Variants in RORA observed in about 807,000 individuals in gnomAD.
The protein encoded by RORA is nuclear receptor ROR-alpha.
In RORA, 7 loss-of-function variants were observed where a neutral mutation model predicts 69.5. The ratio of observed to expected loss-of-function variants is 0.10; its 90% confidence interval spans 0.06 to 0.19. The LOEUF (loss-of-function observed/expected upper bound fraction) is 0.19. Ranked by LOEUF, RORA falls within the 10% of genes least tolerant of loss-of-function variation. The probability of loss-of-function intolerance (pLI) is 1.00; values close to 1 mark genes in which losing one functional copy is unlikely to be tolerated. For missense variants in RORA, 457 were observed against 663.0 expected, an observed-to-expected ratio of 0.69 and a Z score of 3.41; for synonymous variants, 261 against 240.8, an observed-to-expected ratio of 1.08 and a Z score of -0.78.
intron 2 of RORA, among the ~76,000 whole-genome samples, chr15:60,622,152 T>C (rs984098587): frequency 2.3e-4 from 22 of 94,804 alleles, no homozygotes; most frequent in African/African-American, 1.0e-3. Flanking sequence ...GGGATGAGAA[T>C]GATAAGCAAG....
chr15:60,954,298 G>A (rs1203965469), intron 1 of RORA, among the ~76,000 whole-genome samples: 2 of 129,844 alleles, frequency 1.5e-5, no homozygotes, highest in African/African-American at 2.9e-5. Flanking sequence ...GTGGTGGGGT[G>A]GGGGGTGGGG....
chr15:61,078,653 T>C (rs1412671259), intron 1 of RORA, among the ~76,000 whole-genome samples: 1 of 152,190 alleles, frequency 6.6e-6, no homozygotes, highest in East Asian at 1.9e-4. Context: ...AGTCATGCTT[T>C]GAATCCACAT....
chr15:60,657,374 C>T (rs1046185755), intron 2 of RORA, among the ~76,000 whole-genome samples: 1 of 152,190 alleles, frequency 6.6e-6, no homozygotes, highest in African/African-American at 2.4e-5. Context: ...TCCATGACAA[C>T]TGCCGACGCA....
At chr15:61,004,168 G>A (rs1029314136) in intron 1 of RORA, among the ~76,000 whole-genome samples, 1 of 152,058 alleles carries the variant, frequency 6.6e-6, no homozygotes, top group Admixed American at 6.5e-5. Flanking sequence ...TTTATTGACA[G>A]TACTTACTTC....
chr15:61,046,273 G>A (rs1050009658), intron 1 of RORA, among the ~76,000 whole-genome samples: 14 of 152,202 alleles, frequency 9.2e-5, no homozygotes, highest in African/African-American at 3.1e-4. Context: ...GGAGGGCACT[G>A]TACACACAGG....
intron 1 of RORA, among the ~76,000 whole-genome samples, chr15:61,098,378 G>T (rs190474510): frequency 6.7e-6 from 1 of 149,718 alleles, no homozygotes; most frequent in East Asian, 2.0e-4. Flanking sequence ...GTCTGGCTTT[G>T]TCACCCAGGC....
intron 1 of RORA, among the ~76,000 whole-genome samples, chr15:61,228,806 G>T (rs1399393163): frequency 6.6e-6 from 1 of 151,708 alleles, no homozygotes; most frequent in Admixed American, 6.6e-5. Flanking sequence ...GAGCCCGCCG[G>T]CTGTCAACCT....
chr15:61,125,735 A>G (rs957169381), intron 1 of RORA, among the ~76,000 whole-genome samples: 10 of 152,176 alleles, frequency 6.6e-5, no homozygotes, highest in Non-Finnish European at 1.2e-4. Context: ...CCAGTTCCAA[A>G]TCAGAAGGGT....
intron 2 of RORA, among the ~76,000 whole-genome samples, chr15:60,563,357 G>A (rs1037280982): frequency 2.6e-5 from 4 of 152,154 alleles, no homozygotes; most frequent in South Asian, 2.1e-4. Flanking sequence ...GCCTAAGCAC[G>A]CATTTTTTCT....
chr15:61,006,323 A>G (rs151057162), intron 1 of RORA, among the ~76,000 whole-genome samples: 7 of 152,150 alleles, frequency 4.6e-5, no homozygotes, highest in Non-Finnish European at 7.4e-5. Context: ...TACAGTGACC[A>G]TGTATTTCTT....
chr15:61,007,205 A>G (rs1894936732), intron 1 of RORA, among the ~76,000 whole-genome samples: 1 of 152,204 alleles, frequency 6.6e-6, no homozygotes. Flanking sequence ...TAACCAAGAC[A>G]TTATAAATCC....
intron 2 of RORA, chr15:60,627,426 C>A: frequency 6.2e-7 from 1 of 1,610,838 alleles, no homozygotes; most frequent in Non-Finnish European, 8.5e-7. Flanking sequence ...GTGCTTTGCC[C>A]CAGTGTACTA....
chr15:61,061,246 G>A lies in RORA; in HGVS notation c.166+167807C>T, dbSNP rs963375310. ...CGGGCGCCTGTGGTCCCAGCTACTC[G>A]GGAGGCTGAGGCAGGAGAATGGCAT... is the stretch of plus-strand genomic sequence containing the variant. On this transcript the variant is annotated intron_variant, in intron 1 of 10. Coordinates refer to ENST00000335670, the MANE Select transcript of RORA (RefSeq NM_134261.3). The surrounding 1 kb of genome is among the most constrained non-coding windows in gnomAD (Gnocchi z 4.4). Among the ~76,000 whole-genome samples, 5 of 152,086 alleles carry A rather than the reference G, an allele frequency of 3.3e-5. No homozygotes were observed. Among genetic ancestry groups the A allele is most frequent in the South Asian group, 2.1e-4 (1 of 4,820 alleles).
intron 1 of RORA, among the ~76,000 whole-genome samples, chr15:60,733,926 G>GAGAA (rs2071463874): frequency 6.7e-6 from 1 of 149,690 alleles, no homozygotes; most frequent in Non-Finnish European, 1.5e-5. Context: ...GAGAGAGAGA[G>GAGAA]AGAGAGAGAG....
chr15:60,917,690 T>C (rs1464928430), intron 1 of RORA, among the ~76,000 whole-genome samples: 1 of 152,230 alleles, frequency 6.6e-6, no homozygotes, highest in Non-Finnish European at 1.5e-5. Flanking sequence ...TCTTGGCTGA[T>C]TTATTTACCA....
chr15:60,999,315 G>C (rs1894671149), intron 1 of RORA, among the ~76,000 whole-genome samples: 1 of 151,986 alleles, frequency 6.6e-6, no homozygotes, highest in South Asian at 2.1e-4. Context: ...TTGAACATGG[G>C]GTTCTCAAAA....
chr15:60,882,316 A>G (rs1371932863), intron 1 of RORA, among the ~76,000 whole-genome samples: 1 of 152,214 alleles, frequency 6.6e-6, no homozygotes, highest in East Asian at 1.9e-4. Context: ...GGAGGGGAGT[A>G]TGCACTGACC....
chr15:60,737,824 G>T (rs1329561521), intron 1 of RORA, among the ~76,000 whole-genome samples: 1 of 152,190 alleles, frequency 6.6e-6, no homozygotes, highest in Non-Finnish European at 1.5e-5. Flanking sequence ...TGACTTCGAA[G>T]AACTACACAC....
At chr15:60,689,670 G>T (rs1859397044) in intron 1 of RORA, among the ~76,000 whole-genome samples, 1 of 152,120 alleles carries the variant, frequency 6.6e-6, no homozygotes, top group East Asian at 1.9e-4. Context: ...TAAGTATTTA[G>T]ATTTAGTCTA....
Sources: gnomAD v4.1 joint callset for allele counts (sites outside exome capture counted in the v4.1 genomes callset) on GRCh38, gnomAD v4.1.1 for gene constraint, Gnocchi (gnomAD v3.1) non-coding constraint, MANE v1.5 for transcripts, NCBI Gene and HGNC (gene_info 2026-07-23, HGNC 2026-07-21) for gene names.